Variants in PCDHGB1 observed in about 807,000 individuals in gnomAD.
PCDHGB1 encodes the protein protocadherin gamma-B1.
In PCDHGB1, 34 loss-of-function variants were observed where a neutral mutation model predicts 56.6. The observed-to-expected ratio is 0.60, with a 90% CI of 0.46 to 0.80. PCDHGB1 has a LOEUF of 0.80. Among genes scored for constraint, PCDHGB1 ranks in the 30% least tolerant of loss-of-function variants. The probability of loss-of-function intolerance (pLI) is 0.00; values close to 1 mark genes in which losing one functional copy is unlikely to be tolerated. For synonymous variants in PCDHGB1, 561 were observed against 505.9 expected (o/e 1.11, Z -1.46); for missense variants, 1,278 against 1,204.6 (o/e 1.06, Z -0.90).
At chr5:141,364,161 C>A in intron 1 of PCDHGB1, 1 of 652,296 alleles carries the variant, frequency 1.5e-6, no homozygotes, top group Non-Finnish European at 2.3e-6. Flanking sequence ...GCCGCAGAGG[C>A]GACCCGACTC....
Position 141,431,264 on chromosome 5 carries a change from A to T in PCDHGB1, c.2410-63543A>T. The T allele has an allele frequency of 6.2e-7, 1 of 1,614,170 alleles. No individual in the cohort carries two copies. On this transcript the variant is annotated intron_variant, in intron 1 of 3. Coordinates refer to ENST00000523390, the MANE Select transcript of PCDHGB1 (RefSeq NM_018922.3). This position sits in a 1 kb window ranked among gnomAD's most constrained non-coding sequence, Gnocchi z 4.8. ...GGATATCGGGAAGAACTCTCTGCAG[A>T]GCTACGAGCTCAGCCCGAACACTCA...
chr5:141,482,383 G>A (rs1594230401), intron 1 of PCDHGB1, among the ~76,000 whole-genome samples: 2 of 152,240 alleles, frequency 1.3e-5, no homozygotes, highest in East Asian at 3.9e-4. Context: ...TAAAGTCCCT[G>A]TATGGAGCAA....
At chr5:141,433,837 C>CAAAA (rs56191208) in intron 1 of PCDHGB1, among the ~76,000 whole-genome samples, 6 of 111,700 alleles carry the variant, frequency 5.4e-5, no homozygotes, top group African/African-American at 1.9e-4. Flanking sequence ...AACTCTATCT[C>CAAAA]AAAAAAAAAA....
At chr5:141,363,665 G>T (rs951901062) in intron 1 of PCDHGB1, among the ~76,000 whole-genome samples, 1 of 152,228 alleles carries the variant, frequency 6.6e-6, no homozygotes, top group African/African-American at 2.4e-5. Flanking sequence ...TATTTCTTCT[G>T]CATATGACAG....
chr5:141,394,567 G>A, intron 1 of PCDHGB1: 1 of 1,614,040 alleles, frequency 6.2e-7, no homozygotes, highest in Non-Finnish European at 8.5e-7. Flanking sequence ...GCAGAGCGTG[G>A]CTACCTGGTG....
At chr5:141,389,404 C>T in intron 1 of PCDHGB1, 3 of 1,613,616 alleles carry the variant, frequency 1.9e-6, no homozygotes, top group Non-Finnish European at 2.5e-6. Context: ...TCCATAAGCG[C>T]GGAGAGCGGG....
Position 141,421,724 on chromosome 5 carries a change from A to G in PCDHGB1, c.2409+69055A>G, listed in dbSNP as rs541532003. On this transcript the variant is annotated intron_variant, in intron 1 of 3. Transcript: ENST00000523390. ...GCTAGGGATCCAGATGTGGGCGTGA[A>G]CTCCCTCCAGAGCTACCAGCTCAGC... 250 of 1,613,766 alleles carry G rather than the reference A, an allele frequency of 1.5e-4. 5 individuals are homozygous for G. The South Asian group carries it at 2.6e-3, about 17-fold the overall frequency.
intron 1 of PCDHGB1, chr5:141,399,317 C>T (rs368407532): frequency 2.0e-5 from 33 of 1,613,814 alleles, no homozygotes; most frequent in Non-Finnish European, 2.8e-5. Flanking sequence ...TCCAAAAATT[C>T]GTATAAGTTG....
chr5:141,394,485 A>G (rs376708104), intron 1 of PCDHGB1: 3 of 1,614,184 alleles, frequency 1.9e-6, no homozygotes, highest in Non-Finnish European at 2.5e-6. Flanking sequence ...CCAGAATGAC[A>G]ACGCGCCCGA....
rs763544302 is a variant in PCDHGB1, at chr5:141,385,145, T to C, written c.2409+32476T>C. On this transcript the variant is annotated intron_variant, in intron 1 of 3. Coordinates refer to ENST00000523390, the MANE Select transcript of PCDHGB1 (RefSeq NM_018922.3). ...GTGGGCATGGACGGGGTGCAGGCTTTCCTGCAGACCTATTCCCATGAGGTC... is the reference window on the plus strand; with the variant it reads ...GTGGGCATGGACGGGGTGCAGGCTTCCCTGCAGACCTATTCCCATGAGGTC... 5.6e-6 allele frequency: 9 copies of C among 1,614,106 alleles called. No homozygotes were observed. The highest frequency in any genetic ancestry group is 7.6e-6 in the Non-Finnish European group (9 of 1,180,050).
At chr5:141,423,659 A>T (rs369390148) in intron 1 of PCDHGB1, 133 of 1,551,038 alleles carry the variant, frequency 8.6e-5, no homozygotes, top group Non-Finnish European at 1.1e-4. Context: ...ACAAGTAATC[A>T]GGTGAGATTT....
At chr5:141,456,599 A>T (rs2098870253) in intron 1 of PCDHGB1, among the ~76,000 whole-genome samples, 1 of 152,174 alleles carries the variant, frequency 6.6e-6, no homozygotes, top group African/African-American at 2.4e-5. Flanking sequence ...TTTTGATTTG[A>T]TTTTTAAGTC....
rs753256077 is a variant in PCDHGB1 at position 141,431,467 on chromosome 5, C to A, written c.2410-63340C>A. On this transcript the variant is annotated intron_variant, in intron 1 of 3. Coordinates refer to ENST00000523390, the MANE Select transcript of PCDHGB1 (RefSeq NM_018922.3). The surrounding 1 kb of genome is among the most constrained non-coding windows in gnomAD (Gnocchi z 4.8). The stretch of plus-strand genomic sequence containing the variant: ...TCCGCGTGATGGTTCTGGATGCGAA[C>A]GACAACGCACCAGCGTTTGCTCAGC... 1.9e-5 allele frequency: 31 copies of A among 1,613,684 alleles called. No homozygotes were observed. The highest frequency in any genetic ancestry group is 3.4e-6 in the Non-Finnish European group (4 of 1,179,964).
rs2099391747 is a variant in PCDHGB1 at position 141,476,440 on chromosome 5, G to A, written c.2410-18367G>A. Reference sequence around the variant, plus strand: ...CACTGCCCTCTTGCACTGTAACTCTGGAGTTGGTAGTGGAGAACCCGCTGG... The same window carrying A: ...CACTGCCCTCTTGCACTGTAACTCTAGAGTTGGTAGTGGAGAACCCGCTGG... On this transcript the variant is annotated intron_variant, in intron 1 of 3. Transcript: ENST00000523390. The surrounding 1 kb of genome is among the most constrained non-coding windows in gnomAD (Gnocchi z 7.6). 1.2e-6 allele frequency: 2 copies of A among 1,613,998 alleles called. No individual in the cohort carries two copies. Among genetic ancestry groups the A allele is most frequent in the African/African-American group, 2.7e-5 (2 of 74,902 alleles).
At position 141,454,796 on chromosome 5, in the gene PCDHGB1, A is replaced by ATTTTT. The variant is rs61612330; in HGVS notation, c.2410-39986_2410-39982dup. ...AAGGAAATAATCCTCCATGGTTCTA[A>ATTTTT]TTTTTTTTTTTTTTTTTTTTTTTTT... On this transcript the variant is annotated intron_variant, in intron 1 of 3. Coordinates refer to ENST00000523390, the MANE Select transcript of PCDHGB1 (RefSeq NM_018922.3). 4.5e-3 allele frequency among the ~76,000 whole-genome samples: 350 copies of ATTTTT among 77,444 alleles called. 39 individuals are homozygous for ATTTTT. The highest frequency in any genetic ancestry group is 0.016 in the African/African-American group (266 of 16,872). The allele number at this position is 77,444 out of a possible 152,430, so 50.8% of individuals were successfully genotyped here.
intron 1 of PCDHGB1, among the ~76,000 whole-genome samples, chr5:141,363,031 T>C (rs1425666122): frequency 6.6e-6 from 1 of 152,248 alleles, no homozygotes; most frequent in Non-Finnish European, 1.5e-5. Context: ...CATTGTCCCA[T>C]TGACTTGAAG....
intron 1 of PCDHGB1, among the ~76,000 whole-genome samples, chr5:141,483,207 A>C (rs1225621725): frequency 6.6e-6 from 1 of 152,224 alleles, no homozygotes; most frequent in African/African-American, 2.4e-5. Flanking sequence ...TATTCCATAT[A>C]GATGACAGTC....
chr5:141,510,898 T>G (rs1393880610), intron 3 of PCDHGB1, 49 bp from the exon 4 acceptor site: 1 of 1,613,278 alleles, frequency 6.2e-7, no homozygotes, highest in East Asian at 2.2e-5. Context: ...ACAGTGACTG[T>G]TGAGGACCCT....
intron 1 of PCDHGB1, chr5:141,356,437 G>C (rs1760223098): frequency 6.2e-7 from 1 of 1,611,268 alleles, no homozygotes; most frequent in Non-Finnish European, 8.5e-7. Context: ...ACTGGACAGG[G>C]AAGAAGTCTC....
Sources: gnomAD v4.1 joint callset for allele counts (sites outside exome capture counted in the v4.1 genomes callset) on GRCh38, gnomAD v4.1.1 for gene constraint, Gnocchi (gnomAD v3.1) non-coding constraint, MANE v1.5 for transcripts, NCBI Gene and HGNC (gene_info 2026-07-23, HGNC 2026-07-21) for gene names.